Variants in BLTP3B observed in about 807,000 individuals in gnomAD.
The protein encoded by BLTP3B is bridge-like lipid transfer protein family member 3B, also known as UHRF1 (ICBP90) binding protein 1-like.
At chr12:100,059,413 C>T in the BLTP3B span, 38 of 1,613,890 alleles carry the variant, frequency 2.4e-5, no homozygotes, top group Non-Finnish European at 3.0e-5. Flanking sequence ...GCTTCTAGGT[C>T]AGAATGTCGA....
At chr12:100,108,779 A>C in the BLTP3B span, among the ~76,000 whole-genome samples, 78 of 152,234 alleles carry the variant, frequency 5.1e-4, 1 homozygote, top group Non-Finnish European at 2.4e-4. Flanking sequence ...ACTGGAGGAC[A>C]CTACAGTTAA....
chr12:100,071,604 TAA>T, the BLTP3B span, among the ~76,000 whole-genome samples: 1 of 151,302 alleles, frequency 6.6e-6, no homozygotes, highest in African/African-American at 2.4e-5. Context: ...GTTAGGAAGC[TAA>T]AGAGTTTTAA....
At chr12:100,130,735 G>A in the BLTP3B span, among the ~76,000 whole-genome samples, 1 of 152,024 alleles carries the variant, frequency 6.6e-6, no homozygotes, top group African/African-American at 2.4e-5. Flanking sequence ...GGTCAAAATG[G>A]TGAAACCCTG....
At chr12:100,065,392 G>A in the BLTP3B span, among the ~76,000 whole-genome samples, 1 of 152,042 alleles carries the variant, frequency 6.6e-6, no homozygotes, top group Non-Finnish European at 1.5e-5. Context: ...GCAGAACAGA[G>A]CCATATTTTG....
At chr12:100,135,257 T>C in the BLTP3B span, among the ~76,000 whole-genome samples, 1 of 147,856 alleles carries the variant, frequency 6.8e-6, no homozygotes. Context: ...TTCTCAAATA[T>C]TGCTTTCTTT....
At chr12:100,070,097 T>C in the BLTP3B span, 7 of 1,479,474 alleles carry the variant, frequency 4.7e-6, no homozygotes, top group Non-Finnish European at 6.3e-6. Context: ...TGTGCCATTT[T>C]ACTCCCTATG....
the BLTP3B span, among the ~76,000 whole-genome samples, chr12:100,125,979 T>A: frequency 1.3e-5 from 2 of 152,070 alleles, no homozygotes; most frequent in African/African-American, 4.8e-5. Flanking sequence ...AACAGTAAAG[T>A]AGATATCCAG....
chr12:100,039,701 C>T, the BLTP3B span: 1 of 1,614,084 alleles, frequency 6.2e-7, no homozygotes, highest in Middle Eastern at 1.6e-4. Flanking sequence ...TGCGTTGTTT[C>T]TTCAGATCAT....
At chr12:100,076,164 C>T in the BLTP3B span, among the ~76,000 whole-genome samples, 21 of 150,314 alleles carry the variant, frequency 1.4e-4, no homozygotes, top group African/African-American at 5.1e-4. Context: ...ACATTTTTTT[C>T]ACCCCCCAAA....
the BLTP3B span, among the ~76,000 whole-genome samples, chr12:100,107,895 T>G: frequency 1.3e-5 from 2 of 151,962 alleles, no homozygotes; most frequent in Non-Finnish European, 2.9e-5. Context: ...TGCTACCATG[T>G]TGGGCTATTT....
At chr12:100,059,823 CATT>C in the BLTP3B span, 3 of 1,578,046 alleles carry the variant, frequency 1.9e-6, no homozygotes, top group Non-Finnish European at 2.6e-6. Flanking sequence ...AAAATTAAAT[CATT>C]ACTACTACTT....
chr12:100,100,626 C>G, the BLTP3B span, among the ~76,000 whole-genome samples: 3 of 151,848 alleles, frequency 2.0e-5, no homozygotes, highest in African/African-American at 4.8e-5. Context: ...GTGGGAGGAT[C>G]GATTGAGCCT....
the BLTP3B span, among the ~76,000 whole-genome samples, chr12:100,079,068 G>A: frequency 2.6e-5 from 4 of 152,154 alleles, no homozygotes; most frequent in South Asian, 2.1e-4. Flanking sequence ...GGAACTGTAC[G>A]TCTATTAAAC....
chr12:100,070,421 G>A, the BLTP3B span, among the ~76,000 whole-genome samples: 55 of 151,968 alleles, frequency 3.6e-4, no homozygotes, highest in Middle Eastern at 3.4e-3. Flanking sequence ...CACCACGCAC[G>A]GCTAATTTGG....
At chr12:100,119,096 T>C in the BLTP3B span, among the ~76,000 whole-genome samples, 16 of 152,068 alleles carry the variant, frequency 1.1e-4, no homozygotes, top group Non-Finnish European at 2.2e-4. Context: ...AGCCAGACTC[T>C]GTCTCAAAAA....
At chr12:100,065,041 T>C in the BLTP3B span, among the ~76,000 whole-genome samples, 1 of 152,236 alleles carries the variant, frequency 6.6e-6, no homozygotes, top group East Asian at 1.9e-4. Flanking sequence ...AATTCACCTG[T>C]TGTGGGAAGT....
At chr12:100,138,988 C>T in the BLTP3B span, among the ~76,000 whole-genome samples, 1 of 152,186 alleles carries the variant, frequency 6.6e-6, no homozygotes, top group Non-Finnish European at 1.5e-5. Flanking sequence ...AAACTACTCT[C>T]CTAGAAAACC....
the BLTP3B span, chr12:100,058,967 C>T: frequency 5.0e-6 from 8 of 1,614,116 alleles, no homozygotes; most frequent in Non-Finnish European, 6.8e-6. Flanking sequence ...TATAATACTC[C>T]TTCAAGAGCT....
the BLTP3B span, chr12:100,089,020 T>C: frequency 2.2e-5 from 35 of 1,611,908 alleles, no homozygotes; most frequent in African/African-American, 4.0e-4. Context: ...AGTTTCACAA[T>C]TGCATCATTT....
Sources: allele counts gnomAD v4.1 joint callset (sites outside exome capture counted in the v4.1 genomes callset), GRCh38; gene constraint gnomAD v4.1.1; transcripts MANE v1.5; gene names NCBI Gene and HGNC (gene_info 2026-07-23, HGNC 2026-07-21).